The following EYA1 variants were observed in gnomAD, a reference collection of about 807,000 sequenced individuals.
EYA1 encodes protein phosphatase EYA1.
EYA1 carries 16 observed loss-of-function variants against 82.0 expected under a neutral mutation model. The observed-to-expected ratio is 0.20, with a 90% CI of 0.13 to 0.30. The LOEUF is 0.30. Ranked by LOEUF, EYA1 falls within the 10% of genes least tolerant of loss-of-function variation. The pLI, the probability that EYA1 is intolerant of heterozygous loss-of-function variation, is 1.00. For synonymous variants in EYA1, 261 were observed against 264.4 expected (o/e 0.99, Z 0.12); for missense variants, 633 against 730.7 (o/e 0.87, Z 1.54).
intron 2 of EYA1, among the ~76,000 whole-genome samples, chr8:71,398,641 G>T (rs1056541874): frequency 1.1e-4 from 17 of 152,312 alleles, no homozygotes; most frequent in Non-Finnish European, 1.9e-4. Context: ...GTTGCTGCCT[G>T]ATCCTTCCTC....
At chr8:71,295,110 G>A (rs760463749) in intron 9 of EYA1, among the ~76,000 whole-genome samples, 19 of 152,196 alleles carry the variant, frequency 1.2e-4, no homozygotes, top group Non-Finnish European at 8.8e-5. Context: ...AGAACTAGAT[G>A]TAAAATGCAA....
At chr8:71,364,985 T>C (rs3860887), upstream of EYA1, among the ~76,000 whole-genome samples, 84,946 of 117,134 alleles carry the variant, frequency 0.73, 31,009 homozygotes, top group Middle Eastern at 0.84. Flanking sequence ...TATATATATA[T>C]ACATATACAC....
chr8:71,250,426 C>T (rs1194740019), intron 11 of EYA1, among the ~76,000 whole-genome samples: 2 of 152,222 alleles, frequency 1.3e-5, no homozygotes, highest in Non-Finnish European at 2.9e-5. Flanking sequence ...GCAGCTCCAC[C>T]TCCCTGATCC....
At chr8:71,518,728 C>A (rs369391893) in intron 2 of EYA1, among the ~76,000 whole-genome samples, 2 of 152,124 alleles carry the variant, frequency 1.3e-5, no homozygotes, top group South Asian at 4.1e-4. Flanking sequence ...ATTATAATTT[C>A]TTTTTGTTCA....
In EYA1 at chr8:71,238,608, G is replaced by A. The variant is rs1266611645; in HGVS notation, c.1140+5995C>T. ...TTGTTTTTGTGTTTTAGTAACTACC[G>A]CTATTTTAAATTATAATTAAAATTT... On this transcript the variant is annotated intron_variant, in intron 12 of 17. Coordinates refer to ENST00000340726, the MANE Select transcript of EYA1 (RefSeq NM_000503.6). 5.3e-5 allele frequency among the ~76,000 whole-genome samples: 8 copies of A among 151,558 alleles called. No individual in the cohort carries two copies. In the East Asian group the frequency reaches 5.8e-4, roughly 11 times the overall value.
chr8:71,396,962 C>T (rs748315942), intron 2 of EYA1, among the ~76,000 whole-genome samples: 1 of 152,288 alleles, frequency 6.6e-6, no homozygotes, highest in African/African-American at 2.4e-5. Context: ...CTTTATGAAT[C>T]TGGGTGCTCC....
chr8:71,216,560 A>T, intron 14 of EYA1, 132 bp downstream of exon 14: 1 of 932,094 alleles, frequency 1.1e-6, no homozygotes, highest in East Asian at 2.5e-5. Context: ...CAGCAGAATA[A>T]TGGCCAGTGA....
chr8:71,515,443 A>G (rs1158114219), intron 2 of EYA1, among the ~76,000 whole-genome samples: 1 of 152,086 alleles, frequency 6.6e-6, no homozygotes, highest in Non-Finnish European at 1.5e-5. Flanking sequence ...GCATTCAGTT[A>G]ACCACAAGCT....
At chr8:71,359,608 T>C (rs1293334458) in intron 1 of EYA1, among the ~76,000 whole-genome samples, 2 of 152,146 alleles carry the variant, frequency 1.3e-5, no homozygotes, top group African/African-American at 2.4e-5. Context: ...AAACTGTAAA[T>C]GGAAAGGGAT....
chr8:71,393,416 G>T (rs1009331186), intron 2 of EYA1, among the ~76,000 whole-genome samples: 2 of 152,060 alleles, frequency 1.3e-5, no homozygotes, highest in African/African-American at 2.4e-5. Flanking sequence ...ATTTACATTA[G>T]GTATATCTCC....
At chr8:71,435,945 TTAAATA>T (rs1805979479) in intron 2 of EYA1, among the ~76,000 whole-genome samples, 1 of 152,158 alleles carries the variant, frequency 6.6e-6, no homozygotes, top group Non-Finnish European at 1.5e-5. Context: ...TTTAAAGGAT[TTAAATA>T]TACAAATGTA....
chr8:71,277,115 A>ATTTT (rs9298167), intron 9 of EYA1, among the ~76,000 whole-genome samples: 107 of 76,930 alleles, frequency 1.4e-3, no homozygotes, highest in African/African-American at 3.0e-3. Context: ...GGCTTCACAC[A>ATTTT]TTTTTTTTTT....
chr8:71,215,015 G>C (rs1809005211), intron 16 of EYA1, among the ~76,000 whole-genome samples: 2 of 152,150 alleles, frequency 1.3e-5, no homozygotes, highest in African/African-American at 2.4e-5. Context: ...TCTGTTATTA[G>C]AGTTGTTTCA....
At chr8:71,428,163 G>T (rs1378339481) in intron 2 of EYA1, among the ~76,000 whole-genome samples, 1 of 152,130 alleles carries the variant, frequency 6.6e-6, no homozygotes, top group Non-Finnish European at 1.5e-5. Context: ...GACTGGAATA[G>T]ATTGCCCAGA....
chr8:71,360,071 T>C (rs1827239591), intron 1 of EYA1, among the ~76,000 whole-genome samples: 1 of 152,208 alleles, frequency 6.6e-6, no homozygotes, highest in Non-Finnish European at 1.5e-5. Context: ...TCAATGTTTT[T>C]TAAATGTTAA....
chr8:71,374,539 T>A (rs564236558), intron 2 of EYA1, among the ~76,000 whole-genome samples: 1 of 152,304 alleles, frequency 6.6e-6, no homozygotes, highest in Admixed American at 6.5e-5. Flanking sequence ...TTGATGAGAA[T>A]GTAATTGGTA....
At chr8:71,275,548 T>C (rs1338964390) in intron 9 of EYA1, among the ~76,000 whole-genome samples, 2 of 152,092 alleles carry the variant, frequency 1.3e-5, no homozygotes, top group Non-Finnish European at 2.9e-5. Context: ...AGAAATGCAG[T>C]GTGTGTACAA....
intron 9 of EYA1, among the ~76,000 whole-genome samples, chr8:71,295,332 T>A (rs1167593109): frequency 1.3e-5 from 2 of 152,034 alleles, no homozygotes; most frequent in African/African-American, 4.8e-5. Flanking sequence ...ACCTATCTGA[T>A]AAAAGATGTG....
chr8:71,260,491 T>G (rs1224467575), intron 11 of EYA1, among the ~76,000 whole-genome samples: 1 of 152,242 alleles, frequency 6.6e-6, no homozygotes, highest in African/African-American at 2.4e-5. Context: ...GAGATGATAC[T>G]CTACACAAAC....
Sources: gnomAD v4.1 joint callset for allele counts (sites outside exome capture counted in the v4.1 genomes callset) on GRCh38, gnomAD v4.1.1 for gene constraint, MANE v1.5 for transcripts, NCBI Gene and HGNC (gene_info 2026-07-23, HGNC 2026-07-21) for gene names.